PRMT3: variants seen among roughly 807,000 people sequenced by gnomAD.
PRMT3 encodes the protein protein arginine N-methyltransferase 3.
PRMT3 carries 62 observed loss-of-function variants against 71.9 expected under a neutral mutation model. The ratio of observed to expected loss-of-function variants is 0.86; its 90% CI spans 0.70 to 1.07. PRMT3 has a LOEUF of 1.07. PRMT3 is among the 50% of genes least tolerant of loss of function. PRMT3 has a pLI of 0.00. For synonymous variants in PRMT3, 213 were observed against 220.4 expected (o/e 0.97, Z 0.30); for missense variants, 663 against 643.0 (o/e 1.03, Z -0.34).
intron 12 of PRMT3, 53 bp from the exon 13 acceptor site, chr11:20,464,407 T>G (rs935924538): frequency 3.3e-6 from 5 of 1,529,476 alleles, no homozygotes; most frequent in Admixed American, 4.6e-5. Flanking sequence ...TTTTGTTTTT[T>G]TTTTTTGGAC....
At chr11:20,402,370 C>T (rs1237332519) in intron 7 of PRMT3, among the ~76,000 whole-genome samples, 3 of 152,130 alleles carry the variant, frequency 2.0e-5, no homozygotes, top group Non-Finnish European at 2.9e-5. Flanking sequence ...CCTCTTGCCT[C>T]GGCCTCCCAA....
chr11:20,470,878 CCTT>C (rs1850627778), intron 13 of PRMT3, among the ~76,000 whole-genome samples: 1 of 152,168 alleles, frequency 6.6e-6, no homozygotes, highest in African/African-American at 2.4e-5. Flanking sequence ...CAGCGTTCCT[CCTT>C]CTCCACAACC....
rs1421779993 is a variant in PRMT3 at position 20,500,945 on chromosome 11, C to T, written c.1486+6691C>T. ...ACTCCTATGTCCCTTTGCAGTCTGA[C>T]TCTGGTTTTTCATCATTTCCAACCC... On this transcript the variant is annotated intron_variant, in intron 15 of 15. Coordinates refer to ENST00000331079, the MANE Select transcript of PRMT3 (RefSeq NM_005788.4). 2.0e-5 allele frequency among the ~76,000 whole-genome samples: 3 copies of T among 152,164 alleles called. No individual in the cohort carries two copies. In the South Asian group the frequency reaches 6.2e-4, roughly 32 times the overall value.
chr11:20,419,425 G>A lies in PRMT3; in HGVS notation c.894-7341G>A, dbSNP rs539117719. On this transcript the variant is annotated intron_variant, in intron 9 of 15. Transcript: ENST00000331079. ...GAACTGTTGATAGGTTTTATGTAAC[G>A]TGAAAGTCTTCTCTCATTCGTGTTT... Among the ~76,000 whole-genome samples the A allele has an allele frequency of 1.1e-3, 163 of 152,286 alleles. 1 individual carries two copies. The highest frequency in any genetic ancestry group is 1.5e-3 in the Non-Finnish European group (99 of 68,020).
chr11:20,488,008 T>G (rs951051052), intron 13 of PRMT3, among the ~76,000 whole-genome samples: 1 of 152,162 alleles, frequency 6.6e-6, no homozygotes, highest in Admixed American at 6.5e-5. Flanking sequence ...ACTTCCCATA[T>G]TGCTTTGTCT....
intron 8 of PRMT3, among the ~76,000 whole-genome samples, chr11:20,404,356 C>T (rs1435028077): frequency 1.3e-5 from 2 of 150,150 alleles, no homozygotes; most frequent in African/African-American, 4.9e-5. Context: ...GCGTCAGCCT[C>T]TGGAGTAGCT....
chr11:20,433,074 G>A (rs1849688058), intron 10 of PRMT3, among the ~76,000 whole-genome samples: 1 of 151,458 alleles, frequency 6.6e-6, no homozygotes, highest in Non-Finnish European at 1.5e-5. Context: ...TTCAGATCTG[G>A]GAATACATAT....
chr11:20,473,816 T>A (rs1012142369), intron 13 of PRMT3, among the ~76,000 whole-genome samples: 1 of 152,192 alleles, frequency 6.6e-6, no homozygotes, highest in African/African-American at 2.4e-5. Context: ...TGCAGTCATT[T>A]GGAGGAAGAG....
chr11:20,411,528 G>A (rs1238182310), intron 9 of PRMT3, among the ~76,000 whole-genome samples: 2 of 152,000 alleles, frequency 1.3e-5, no homozygotes, highest in African/African-American at 4.8e-5. Context: ...TGTAGTTATA[G>A]GAAGGAAGCA....
intron 13 of PRMT3, among the ~76,000 whole-genome samples, chr11:20,484,188 A>G (rs544034034): frequency 3.9e-5 from 6 of 152,322 alleles, no homozygotes; most frequent in Admixed American, 3.9e-4. Context: ...AAGAAATGGT[A>G]AGACTGCCCT....
intron 13 of PRMT3, among the ~76,000 whole-genome samples, chr11:20,481,230 T>A (rs544425802): frequency 6.7e-6 from 1 of 148,964 alleles, no homozygotes; most frequent in African/African-American, 2.5e-5. Context: ...TATGCAGATA[T>A]AATTTACGCA....
intron 10 of PRMT3, among the ~76,000 whole-genome samples, chr11:20,436,346 G>A (rs1303703117): frequency 1.3e-5 from 2 of 152,212 alleles, no homozygotes; most frequent in Non-Finnish European, 2.9e-5. Flanking sequence ...TGGTGAAAGT[G>A]GACATCCTCA....
chr11:20,417,245 A>G (rs1849326587), intron 9 of PRMT3, among the ~76,000 whole-genome samples: 1 of 152,056 alleles, frequency 6.6e-6, no homozygotes, highest in Non-Finnish European at 1.5e-5. Flanking sequence ...ATTTTACGTT[A>G]TTGTCATTTC....
At chr11:20,464,310 T>C (rs1461050726) in intron 12 of PRMT3, 150 bp from the exon 13 acceptor site, 1 of 1,058,902 alleles carries the variant, frequency 9.4e-7, no homozygotes, top group Non-Finnish European at 1.3e-6. Flanking sequence ...AAAATTAGCA[T>C]GTGAGTAAAG....
chr11:20,423,874 A>T (rs1438621049), intron 9 of PRMT3, among the ~76,000 whole-genome samples: 2 of 1,820 alleles, frequency 1.1e-3, no homozygotes, highest in Non-Finnish European at 0.018. Flanking sequence ...ATTCTCTCTT[A>T]AAAAAAAAAA....
chr11:20,438,842 C>T (rs1339239079), intron 10 of PRMT3, among the ~76,000 whole-genome samples: 1 of 152,206 alleles, frequency 6.6e-6, no homozygotes, highest in Non-Finnish European at 1.5e-5. Context: ...AGGGGTGTTA[C>T]TGCTCTGAGT....
intron 9 of PRMT3, among the ~76,000 whole-genome samples, chr11:20,413,926 C>T (rs1177743288): frequency 6.6e-6 from 1 of 152,126 alleles, no homozygotes; most frequent in Non-Finnish European, 1.5e-5. Flanking sequence ...GGTCAGAAGT[C>T]TATATACAGC....
intron 9 of PRMT3, among the ~76,000 whole-genome samples, chr11:20,421,021 G>A (rs911748337): frequency 6.6e-6 from 1 of 151,986 alleles, no homozygotes; most frequent in African/African-American, 2.4e-5. Context: ...ATTAATCAGA[G>A]TTTATTATTA....
intron 9 of PRMT3, among the ~76,000 whole-genome samples, chr11:20,409,856 A>G (rs756192917): frequency 6.6e-6 from 1 of 152,148 alleles, no homozygotes; most frequent in Non-Finnish European, 1.5e-5. Flanking sequence ...CAAATATGAG[A>G]ACCACTGTCC....
Sources: gnomAD v4.1 joint callset for allele counts (sites outside exome capture counted in the v4.1 genomes callset) on GRCh38, gnomAD v4.1.1 for gene constraint, MANE v1.5 for transcripts, NCBI Gene and HGNC (gene_info 2026-07-23, HGNC 2026-07-21) for gene names.